DOCK3: variants seen among roughly 807,000 people sequenced by gnomAD.
The protein encoded by DOCK3 is dedicator of cytokinesis 3.
DOCK3 carries 60 observed loss-of-function variants against 265.6 expected under a neutral mutation model. The ratio of observed to expected loss-of-function variants is 0.23; its 90% CI spans 0.18 to 0.28. The LOEUF (loss-of-function observed/expected upper bound fraction) is 0.28. Ranked by LOEUF, DOCK3 falls within the 10% of genes least tolerant of loss-of-function variation. The pLI is 1.00. For missense variants in DOCK3, 1,981 were observed against 2,594.3 expected (o/e 0.76, Z 5.14); for synonymous variants, 881 against 938.0 (o/e 0.94, Z 1.11).
rs530123258 is a variant in DOCK3 at position 51,311,683 on chromosome 3, G to A, written c.3018-321G>A. On this transcript the variant is annotated intron_variant, in intron 28 of 52. Transcript: ENST00000266037. ...CTGGGAGAAACCTTAAAGAACCATC[G>A]ATCTCCTACCACCTTTTATAGGCAG... Among the ~76,000 whole-genome samples the A allele has an allele frequency of 2.0e-5, 3 of 152,174 alleles. No individual in the cohort carries two copies. The South Asian group carries it at 6.2e-4, about 32-fold the overall frequency.
intron 1 of DOCK3, among the ~76,000 whole-genome samples, chr3:50,702,586 C>A (rs1245975160): frequency 6.6e-6 from 1 of 152,176 alleles, no homozygotes; most frequent in East Asian, 1.9e-4. Flanking sequence ...TCAGGCTGGT[C>A]TCGATCTCCT....
chr3:50,914,443 T>C (rs2050016731), intron 4 of DOCK3, among the ~76,000 whole-genome samples: 1 of 152,158 alleles, frequency 6.6e-6, no homozygotes, highest in Non-Finnish European at 1.5e-5. Flanking sequence ...ATTCTTCACT[T>C]TTTCATTGAG....
In DOCK3 at chr3:51,377,929, TC is replaced by T. The variant is rs1365068875; in HGVS notation, c.5500+2097del. Reference sequence around the variant, plus strand: ...CCAGACCCATTTCTAAGCTTCCTATTCCCTGATATTTCTTTGGTGGCTTTTT... The same window carrying T: ...CCAGACCCATTTCTAAGCTTCCTATTCCTGATATTTCTTTGGTGGCTTTTT... On this transcript the variant is annotated intron_variant, in intron 51 of 52. Coordinates refer to ENST00000266037, the MANE Select transcript of DOCK3 (RefSeq NM_004947.5). Among the ~76,000 whole-genome samples, 10 of 152,304 alleles carry T rather than the reference TC, an allele frequency of 6.6e-5. No homozygotes were observed. In the East Asian group the frequency reaches 1.9e-3, roughly 29 times the overall value.
intron 4 of DOCK3, among the ~76,000 whole-genome samples, chr3:50,917,808 G>A (rs867027509): frequency 2.6e-5 from 4 of 151,742 alleles, no homozygotes; most frequent in Admixed American, 6.6e-5. Flanking sequence ...TGTGCATAAC[G>A]TGCAGCTTTG....
chr3:50,881,124 A>G (rs1486174007), intron 3 of DOCK3, among the ~76,000 whole-genome samples: 1 of 152,224 alleles, frequency 6.6e-6, no homozygotes, highest in Non-Finnish European at 1.5e-5. Flanking sequence ...GATGGGATGT[A>G]TCTCAAAATA....
chr3:51,123,151 G>A (rs1174267343), intron 9 of DOCK3, among the ~76,000 whole-genome samples: 1 of 152,080 alleles, frequency 6.6e-6, no homozygotes, highest in Non-Finnish European at 1.5e-5. Flanking sequence ...CCACTGCCCG[G>A]GAGGATAATT....
intron 5 of DOCK3, among the ~76,000 whole-genome samples, chr3:51,004,867 C>T (rs572803010): frequency 2.0e-5 from 3 of 148,690 alleles, no homozygotes; most frequent in African/African-American, 2.5e-5. Flanking sequence ...TACTCTTTAT[C>T]GTTCATTCAG....
At chr3:51,061,976 G>A (rs1381024348) in intron 5 of DOCK3, among the ~76,000 whole-genome samples, 17 of 152,084 alleles carry the variant, frequency 1.1e-4, no homozygotes, top group Admixed American at 4.6e-4. Context: ...CATCTAGTCC[G>A]TCAGCAAATT....
chr3:50,896,194 A>G (rs2048886853), intron 4 of DOCK3, among the ~76,000 whole-genome samples: 1 of 151,826 alleles, frequency 6.6e-6, no homozygotes, highest in South Asian at 2.1e-4. Context: ...TTGCCATTCT[A>G]ACTGGCGTGA....
At chr3:50,966,407 T>C (rs2077032957) in intron 5 of DOCK3, among the ~76,000 whole-genome samples, 1 of 152,034 alleles carries the variant, frequency 6.6e-6, no homozygotes, top group South Asian at 2.1e-4. Flanking sequence ...ATAATGGCTA[T>C]GTTAATTTAC....
intron 20 of DOCK3, among the ~76,000 whole-genome samples, chr3:51,236,975 C>T (rs186213627): frequency 1.6e-4 from 25 of 152,270 alleles, no homozygotes; most frequent in Non-Finnish European, 3.2e-4. Context: ...GAGTCAGATA[C>T]TCTCATAGAT....
At chr3:50,866,470 C>T (rs533817603) in intron 3 of DOCK3, among the ~76,000 whole-genome samples, 17 of 115,554 alleles carry the variant, frequency 1.5e-4, no homozygotes, top group East Asian at 1.1e-3. Context: ...GGTGACAAAG[C>T]GAGACTCTTT....
chr3:50,780,912 C>G (rs2041874192), intron 2 of DOCK3, among the ~76,000 whole-genome samples: 1 of 151,942 alleles, frequency 6.6e-6, no homozygotes, highest in Non-Finnish European at 1.5e-5. Flanking sequence ...AGGTGTTTAA[C>G]TTTCTCTTTT....
At chr3:50,955,609 C>T (rs1293460515) in intron 5 of DOCK3, among the ~76,000 whole-genome samples, 1 of 152,062 alleles carries the variant, frequency 6.6e-6, no homozygotes, top group East Asian at 1.9e-4. Flanking sequence ...TGGATGTTCT[C>T]ACTTATAAGT....
At chr3:51,379,588 C>T (rs953757210) in intron 51 of DOCK3, 10 of 985,346 alleles carry the variant, frequency 1.0e-5, no homozygotes, top group Admixed American at 1.2e-4. Context: ...AGACCTCCAG[C>T]GGGTCCCCCG....
intron 1 of DOCK3, among the ~76,000 whole-genome samples, chr3:50,752,622 C>T (rs2039904134): frequency 6.6e-6 from 1 of 151,566 alleles, no homozygotes; most frequent in Non-Finnish European, 1.5e-5. Flanking sequence ...AATAAAAATA[C>T]AAAATTAGCC....
chr3:50,788,258 C>G (rs2042286204), intron 2 of DOCK3: 1 of 651,734 alleles, frequency 1.5e-6, no homozygotes, highest in African/African-American at 1.9e-5. Flanking sequence ...TCAACCAGCT[C>G]CTGACGAGAA....
rs572164207 is a variant in DOCK3, at chr3:51,363,825, T to C, written c.5293+1151T>C. 6.6e-5 allele frequency among the ~76,000 whole-genome samples: 10 copies of C among 152,360 alleles called. No homozygotes were observed. In the East Asian group the frequency reaches 1.7e-3, roughly 26 times the overall value. On this transcript the variant is annotated intron_variant, in intron 49 of 52. Coordinates refer to ENST00000266037, the MANE Select transcript of DOCK3 (RefSeq NM_004947.5). ...TACAAAGGACATGAACTCATCCTTT[T>C]TTATGGCAGCATAGTATTCCATGGT...
At chr3:50,891,333 G>A (rs1407823002) in intron 4 of DOCK3, among the ~76,000 whole-genome samples, 1 of 151,950 alleles carries the variant, frequency 6.6e-6, no homozygotes, top group East Asian at 1.9e-4. Flanking sequence ...ATTTGTGTTG[G>A]GGAAATAGTA....
Sources: allele counts gnomAD v4.1 joint callset (sites outside exome capture counted in the v4.1 genomes callset), GRCh38; gene constraint gnomAD v4.1.1; transcripts MANE v1.5; gene names NCBI Gene and HGNC (gene_info 2026-07-23, HGNC 2026-07-21).